TBC1D5: variants seen among roughly 807,000 people sequenced by gnomAD.
TBC1D5 encodes TBC1 domain family member 5, also known as TBC1 domain family, member 5.
TBC1D5 carries 75 observed loss-of-function variants against 100.3 expected under a neutral mutation model. That is an observed-to-expected ratio of 0.75 (90% confidence interval 0.62 to 0.91). TBC1D5 has a LOEUF of 0.91. Among genes scored for constraint, TBC1D5 ranks in the 40% least tolerant of loss-of-function variants. The pLI is 0.00. For missense variants in TBC1D5, 910 were observed against 942.4 expected (o/e 0.97, Z 0.45); for synonymous variants, 323 against 325.6 (o/e 0.99, Z 0.09).
Position 17,645,325 on chromosome 3 carries a change from A to C in TBC1D5, c.-100-21412T>G, listed in dbSNP as rs535063753. Among the ~76,000 whole-genome samples, 15 of 152,232 alleles carry C rather than the reference A, an allele frequency of 9.9e-5. No individual in the cohort carries two copies. The East Asian group carries it at 2.3e-3, about 24-fold the overall frequency. On this transcript the variant is annotated intron_variant, in intron 1 of 21. Coordinates refer to ENST00000253692, the Ensembl canonical transcript of TBC1D5. ...GTAAGACAAAGAACAGGCTATAGGC[A>C]AGAAAAGCAGTTATAATTATAGCTG...
chr3:17,554,854 T>C (rs1238348176), intron 2 of TBC1D5, among the ~76,000 whole-genome samples: 4 of 151,836 alleles, frequency 2.6e-5, no homozygotes, highest in African/African-American at 9.7e-5. Flanking sequence ...TGCTTTTTTT[T>C]TTTCTTTTTT....
intron 16 of TBC1D5, among the ~76,000 whole-genome samples, chr3:17,256,740 C>G (rs552501942): frequency 6.6e-6 from 1 of 152,124 alleles, no homozygotes; most frequent in East Asian, 1.9e-4. Context: ...TTAGTGGAGA[C>G]GTTGGGGAGA....
chr3:17,167,963 C>G (rs998918945), intron 19 of TBC1D5, 135 bp from the exon 21 acceptor site: 1 of 649,484 alleles, frequency 1.5e-6, no homozygotes, highest in African/African-American at 1.8e-5. Context: ...AGATGCTCTG[C>G]AAACTGCGGA....
rs533538523 is a variant in TBC1D5 at position 17,604,245 on chromosome 3, C to T, written c.-36+19604G>A. On this transcript the variant is annotated intron_variant, in intron 2 of 21. Coordinates refer to ENST00000253692, the Ensembl canonical transcript of TBC1D5. ...AAAGTTCTGGGATTACATGCAGGAG[C>T]CACTGTGCCTTTAAGTACTTCTTAA... Among the ~76,000 whole-genome samples, 4 of 152,278 alleles carry T rather than the reference C, an allele frequency of 2.6e-5. No individual in the cohort carries two copies. The East Asian group carries it at 7.7e-4, about 29-fold the overall frequency.
At chr3:17,200,622 G>A (rs1261824948) in intron 18 of TBC1D5, among the ~76,000 whole-genome samples, 1 of 152,370 alleles carries the variant, frequency 6.6e-6, no homozygotes, top group East Asian at 1.9e-4. Context: ...GTTGGGGACT[G>A]CTGCTATAGT....
chr3:17,307,807 T>C (rs1657563385), intron 14 of TBC1D5, among the ~76,000 whole-genome samples, 185 bp downstream of exon 14: 1 of 152,208 alleles, frequency 6.6e-6, no homozygotes, highest in South Asian at 2.1e-4. Flanking sequence ...TCTCCCAATG[T>C]GTACACAGTT....
At chr3:17,648,412 G>A (rs1403334480) in intron 1 of TBC1D5, among the ~76,000 whole-genome samples, 1 of 152,076 alleles carries the variant, frequency 6.6e-6, no homozygotes, top group Non-Finnish European at 1.5e-5. Context: ...CAGGACATAG[G>A]CACAGGCAAA....
intron 1 of TBC1D5, among the ~76,000 whole-genome samples, chr3:17,640,047 A>C (rs2064344705): frequency 1.3e-5 from 2 of 152,140 alleles, no homozygotes; most frequent in African/African-American, 4.8e-5. Flanking sequence ...AGCCCCCTTC[A>C]CCTCTACAGA....
intron 2 of TBC1D5, among the ~76,000 whole-genome samples, chr3:17,622,409 G>C (rs925463416): frequency 3.3e-5 from 5 of 150,224 alleles, no homozygotes; most frequent in African/African-American, 1.3e-4. Context: ...CAGTACACAA[G>C]AGTCTTATCA....
intron 3 of TBC1D5, among the ~76,000 whole-genome samples, chr3:17,484,455 G>GGGGTGTGTGTGTGTGTGTGTGT (rs1309270588): frequency 9.0e-6 from 1 of 111,526 alleles, no homozygotes; most frequent in African/African-American, 4.0e-5. Context: ...GTAACACCAG[G>GGGGTGTGTGTGTGTGTGTGTGT]GTGTGTGTGT....
chr3:17,491,552 C>T (rs1210951147), intron 3 of TBC1D5, among the ~76,000 whole-genome samples: 2 of 152,130 alleles, frequency 1.3e-5, no homozygotes, highest in African/African-American at 4.8e-5. Flanking sequence ...TTTTCTGCCT[C>T]TATTGAGATA....
chr3:17,230,484 T>A (rs2075318613), intron 17 of TBC1D5, among the ~76,000 whole-genome samples: 1 of 152,174 alleles, frequency 6.6e-6, no homozygotes, highest in East Asian at 1.9e-4. Context: ...GATTCTCCCC[T>A]ACTCCCATTT....
chr3:17,287,814 G>A (rs555651094), intron 15 of TBC1D5, among the ~76,000 whole-genome samples: 1 of 152,278 alleles, frequency 6.6e-6, no homozygotes, highest in East Asian at 1.9e-4. Context: ...GCAATTTAGG[G>A]ATGATGGTAG....
intron 14 of TBC1D5, among the ~76,000 whole-genome samples, chr3:17,296,250 A>C (rs926419873): frequency 2.0e-5 from 3 of 152,278 alleles, no homozygotes; most frequent in African/African-American, 7.2e-5. Flanking sequence ...CTTTTAAAAA[A>C]GGAAAAAGTT....
At chr3:17,677,540 T>C (rs1280934054) in intron 1 of TBC1D5, among the ~76,000 whole-genome samples, 1 of 152,204 alleles carries the variant, frequency 6.6e-6, no homozygotes, top group South Asian at 2.1e-4. Context: ...ACTTTTACAC[T>C]GTTGGTGGGA....
intron 13 of TBC1D5, among the ~76,000 whole-genome samples, chr3:17,367,731 C>T (rs916192616): frequency 2.0e-5 from 3 of 151,720 alleles, no homozygotes; most frequent in South Asian, 2.1e-4. Flanking sequence ...TGGTGGTGGG[C>T]GTCTATAATC....
intron 1 of TBC1D5, among the ~76,000 whole-genome samples, chr3:17,735,884 C>T (rs1355675031): frequency 6.6e-6 from 1 of 152,158 alleles, no homozygotes; most frequent in African/African-American, 2.4e-5. Context: ...GAAGAGTGTG[C>T]AGTGGCAAGA....
chr3:17,508,641 T>C (rs2095869224), intron 2 of TBC1D5, 36 bp from the exon 3 acceptor site: 2 of 1,046,408 alleles, frequency 1.9e-6, no homozygotes, highest in South Asian at 2.6e-5. Context: ...AAATAATAAA[T>C]TCTTTTTCTG....
At chr3:17,582,967 T>TA (rs759656497) in intron 2 of TBC1D5, among the ~76,000 whole-genome samples, 55 of 152,142 alleles carry the variant, frequency 3.6e-4, no homozygotes, top group Non-Finnish European at 5.6e-4. Context: ...AATTACTATA[T>TA]AAAAAATATA....
Sources: gnomAD v4.1 joint callset for allele counts (sites outside exome capture counted in the v4.1 genomes callset) on GRCh38, gnomAD v4.1.1 for gene constraint, MANE v1.5 for transcripts, NCBI Gene and HGNC (gene_info 2026-07-23, HGNC 2026-07-21) for gene names.